Variants in EML5 observed in about 807,000 individuals in gnomAD.
The protein encoded by EML5 is EMAP like 5, also known as echinoderm microtubule-associated protein-like 5.
Under a neutral mutation model 250.0 loss-of-function variants are expected in EML5, and 120 were observed. The ratio of observed to expected loss-of-function variants is 0.48; its 90% CI spans 0.41 to 0.56. The LOEUF (loss-of-function observed/expected upper bound fraction) is 0.56. Among genes scored for constraint, EML5 ranks in the 20% least tolerant of loss-of-function variants. The probability of loss-of-function intolerance (pLI) is 0.00; values close to 1 mark genes in which losing one functional copy is unlikely to be tolerated. For synonymous variants in EML5, 771 were observed against 806.5 expected (o/e 0.96, Z 0.75); for missense variants, 2,006 against 2,437.6 (o/e 0.82, Z 3.73).
intron 9 of EML5, 73 bp downstream of exon 9, chr14:88,714,866 A>G (rs962418027): frequency 1.4e-6 from 2 of 1,419,342 alleles, no homozygotes; most frequent in Non-Finnish European, 1.9e-6. Context: ...AATGTAACTT[A>G]CACTCTGCTT....
chr14:88,621,374 A>C, intron 37 of EML5, 73 bp from the exon 38 acceptor site: 3 of 1,559,390 alleles, frequency 1.9e-6, no homozygotes, highest in Non-Finnish European at 2.6e-6. Context: ...TATAAAAATG[A>C]CCCTATTGAC....
intron 35 of EML5, 33 bp downstream of exon 35, chr14:88,626,805 A>C (rs1480270009): frequency 6.2e-7 from 1 of 1,607,908 alleles, no homozygotes; most frequent in African/African-American, 1.3e-5. Flanking sequence ...TAAAGTAGTC[A>C]AAGTCACACT....
At chr14:88,644,068 T>C (rs569757851) in intron 30 of EML5, among the ~76,000 whole-genome samples, 4 of 152,286 alleles carry the variant, frequency 2.6e-5, no homozygotes, top group African/African-American at 7.2e-5. Flanking sequence ...AGGGTCAAAA[T>C]TCCTATTTGG....
chr14:88,661,607 C>T, intron 25 of EML5, 47 bp downstream of exon 25: 1 of 1,533,474 alleles, frequency 6.5e-7, no homozygotes, highest in East Asian at 2.3e-5. Context: ...TTACCTTAAC[C>T]ATTTCATAAT....
In EML5 at chr14:88,620,943, A is replaced by AG. The variant is rs2088798458; in HGVS notation, c.5203-18_5203-17insC. ...TAACATCTTCTGCATTTAAAAAAAAAAAAAAAAAGAGTCATAGGAAACATT... is the reference window on the plus strand; with the variant it reads ...TAACATCTTCTGCATTTAAAAAAAAAGAAAAAAAAGAGTCATAGGAAACATT... On this transcript the variant is annotated splice_polypyrimidine_tract_variant and intron_variant, in intron 38 of 43. Coordinates refer to ENST00000554922, the MANE Select transcript of EML5 (RefSeq NM_183387.3). The surrounding 1 kb of genome is among the most constrained non-coding windows in gnomAD (Gnocchi z 4.3). 1.3e-6 allele frequency: 2 copies of AG among 1,491,512 alleles called. No individual in the cohort carries two copies. The highest frequency in any genetic ancestry group is 1.8e-6 in the Non-Finnish European group (2 of 1,125,958). The allele number at this position is 1,491,512 out of a possible 1,614,324, so 92.4% of individuals were successfully genotyped here.
chr14:88,683,932 T>C (rs2092770126), intron 20 of EML5, among the ~76,000 whole-genome samples: 1 of 152,072 alleles, frequency 6.6e-6, no homozygotes, highest in Admixed American at 6.5e-5. Context: ...CACTTACATT[T>C]AACAATGTAC....
In EML5 at chr14:88,618,831, TA is replaced by T; in HGVS notation, c.5376-20del. On this transcript the variant is annotated intron_variant, in intron 39 of 43. Transcript: ENST00000554922. ...ACTAAATCTGAATCAAAACAAAACG[TA>T]AAAAGTATTAGACCACATGAAGTAT... 2 of 1,553,520 alleles carry T rather than the reference TA, an allele frequency of 1.3e-6. No individual in the cohort carries two copies. The highest frequency in any genetic ancestry group is 1.2e-5 in the South Asian group (1 of 83,390).
At chr14:88,716,156 T>C (rs1248108653) in intron 8 of EML5, among the ~76,000 whole-genome samples, 1 of 152,202 alleles carries the variant, frequency 6.6e-6, no homozygotes, top group Non-Finnish European at 1.5e-5. Flanking sequence ...AGAATTAATC[T>C]TCAGTTGTAT....
chr14:88,710,723 G>T (rs1245074875), intron 10 of EML5, among the ~76,000 whole-genome samples: 1 of 151,720 alleles, frequency 6.6e-6, no homozygotes, highest in Non-Finnish European at 1.5e-5. Flanking sequence ...ATCCTTACTA[G>T]AAAATAAATT....
rs1185652706 is a variant in EML5 at position 88,688,414 on chromosome 14, T to A, written c.2599A>T (p.Met867Leu). The change falls in exon 18 of 44, where the codon ATG becomes TTG. Residue 867 changes from methionine to leucine, a missense_variant. By Grantham distance (15) the Met-to-Leu change is conservative (BLOSUM62 2). Around this residue, in one of 7 missense-constraint regions of EML5, gnomAD observed 1,375 missense variants for 1,590.3 expected, o/e 0.86. Transcript: ENST00000554922. Reference sequence around the variant, plus strand: ...TCAGTCCATCCATACACTGCACACATCATTGTGTCATTTTTCCCCAGTGTG... The same window carrying A: ...TCAGTCCATCCATACACTGCACACAACATTGTGTCATTTTTCCCCAGTGTG... The part of the protein sequence containing the change: ...IGTLGKNDTM[M>L]CAVYGWTEEM... 6.2e-7 allele frequency: 1 copy of A among 1,614,024 alleles called. No individual in the cohort carries two copies. The highest frequency in any genetic ancestry group is 8.5e-7 in the Non-Finnish European group (1 of 1,179,892).
At chr14:88,742,399 C>A (rs942831557) in intron 4 of EML5, among the ~76,000 whole-genome samples, 1 of 152,148 alleles carries the variant, frequency 6.6e-6, no homozygotes, top group South Asian at 2.1e-4. Context: ...TTGGACAGTG[C>A]AGTTCTAGAT....
chr14:88,752,189 T>A (rs1225457502), intron 2 of EML5, among the ~76,000 whole-genome samples: 3 of 152,202 alleles, frequency 2.0e-5, no homozygotes, highest in Non-Finnish European at 2.9e-5. Context: ...TGGGCATGAT[T>A]TCTCCTTGGA....
chr14:88,678,566 T>C (rs759243692), intron 21 of EML5, among the ~76,000 whole-genome samples: 12 of 152,300 alleles, frequency 7.9e-5, no homozygotes, highest in Middle Eastern at 6.8e-3. Context: ...TTGTACTCAT[T>C]ATAGTACTAG....
chr14:88,652,361 GGTCA>G (rs2140833316), intron 27 of EML5, among the ~76,000 whole-genome samples: 1 of 152,020 alleles, frequency 6.6e-6, no homozygotes, highest in South Asian at 2.1e-4. Flanking sequence ...GCAACGCGGG[GGTCA>G]GTCAATTTAC....
At chr14:88,686,442 C>T (rs1347285275) in intron 19 of EML5, among the ~76,000 whole-genome samples, 1 of 151,882 alleles carries the variant, frequency 6.6e-6, no homozygotes, top group South Asian at 2.1e-4. Context: ...AGAAAATGCA[C>T]CCTCTGGGCC....
At chr14:88,770,829 A>G (rs562250935) in intron 1 of EML5, among the ~76,000 whole-genome samples, 215 of 152,326 alleles carry the variant, frequency 1.4e-3, no homozygotes, top group Non-Finnish European at 2.9e-3. Context: ...TCCCATTCTA[A>G]AACATTTAAC....
chr14:88,685,347 T>C (rs1437782270), intron 19 of EML5, among the ~76,000 whole-genome samples: 1 of 152,206 alleles, frequency 6.6e-6, no homozygotes, highest in African/African-American at 2.4e-5. Flanking sequence ...GTCTTATAAG[T>C]CTATGATTCT....
intron 4 of EML5, among the ~76,000 whole-genome samples, chr14:88,742,708 C>T (rs1377770451): frequency 2.0e-5 from 3 of 152,100 alleles, no homozygotes; most frequent in African/African-American, 4.8e-5. Flanking sequence ...AATACCTTCA[C>T]AGTGCTTATA....
chr14:88,624,498 G>A (rs946735369), intron 36 of EML5: 10 of 155,930 alleles, frequency 6.4e-5, no homozygotes, highest in Non-Finnish European at 1.1e-4. Context: ...TTGAGGTCTT[G>A]TATAAAACAG....
Sources: allele counts gnomAD v4.1 joint callset (sites outside exome capture counted in the v4.1 genomes callset), GRCh38; gene constraint gnomAD v4.1.1; regional missense constraint gnomAD v4.1.1; non-coding constraint Gnocchi (gnomAD v3.1); transcripts MANE v1.5; gene names NCBI Gene and HGNC (gene_info 2026-07-23, HGNC 2026-07-21).